ACAP1: variants seen among roughly 807,000 people sequenced by gnomAD.
ACAP1 encodes arf-GAP with coiled-coil, ANK repeat and PH domain-containing protein 1.
Under a neutral mutation model 98.8 loss-of-function variants are expected in ACAP1, and 45 were observed. The ratio of observed to expected loss-of-function variants is 0.46; its 90% CI spans 0.36 to 0.58. ACAP1 has a LOEUF of 0.58. Among genes scored for constraint, ACAP1 ranks in the 20% least tolerant of loss-of-function variants. The pLI is 0.00. For synonymous variants in ACAP1, 362 were observed against 375.3 expected, an observed-to-expected ratio of 0.96 and a Z score of 0.41; for missense variants, 735 against 971.4, an observed-to-expected ratio of 0.76 and a Z score of 3.24.
At chr17:7,341,094 G>T (rs1475402905) in intron 2 of ACAP1, among the ~76,000 whole-genome samples, 1 of 152,172 alleles carries the variant, frequency 6.6e-6, no homozygotes, top group Non-Finnish European at 1.5e-5. Context: ...ATTTATGAGG[G>T]AACGTGCAGT....
chr17:7,346,993 G>A, intron 13 of ACAP1, 38 bp from the exon 14 acceptor site: 1 of 1,573,948 alleles, frequency 6.4e-7, no homozygotes. Context: ...CTTTACCCTA[G>A]GCCCCTTGGC....
intron 2 of ACAP1, among the ~76,000 whole-genome samples, chr17:7,340,514 T>C (rs2073265312): frequency 6.6e-6 from 1 of 152,154 alleles, no homozygotes. Context: ...TCCTTGTACC[T>C]TGTCACAGAC....
chr17:7,342,766 G>T, intron 5 of ACAP1: 2 of 446,940 alleles, frequency 4.5e-6, no homozygotes, highest in Non-Finnish European at 8.2e-6. Flanking sequence ...AAATTAGCCG[G>T]GCATGGTGGC....
chr17:7,340,765 G>A (rs992104632), intron 2 of ACAP1, among the ~76,000 whole-genome samples: 1 of 152,208 alleles, frequency 6.6e-6, no homozygotes, highest in Non-Finnish European at 1.5e-5. Flanking sequence ...AGGATCGCTT[G>A]AACCTGGGAG....
chr17:7,340,779 G>A (rs1263989278), intron 2 of ACAP1, among the ~76,000 whole-genome samples: 1 of 152,190 alleles, frequency 6.6e-6, no homozygotes. Context: ...CTGGGAGGTG[G>A]AGGTTGTGGT....
intron 12 of ACAP1, 68 bp downstream of exon 12, chr17:7,346,559 C>CT: frequency 7.2e-7 from 1 of 1,394,456 alleles, no homozygotes; most frequent in Non-Finnish European, 9.8e-7. Flanking sequence ...AGGCAGGGCC[C>CT]ACCACAATGG....
Position 7,347,221 on chromosome 17 carries a change from T to A in ACAP1, c.1322T>A (p.Ile441Asn). 3.7e-6 allele frequency: 6 copies of A among 1,613,300 alleles called. No individual in the cohort carries two copies. The highest frequency in any genetic ancestry group is 5.1e-6 in the Non-Finnish European group (6 of 1,179,526). ...ASINLGVTLC[I>N]QCSGIHRSLG... is the part of the protein sequence containing the mutation. ...ATCAACCTTGGTGTCACCCTCTGCA[T>A]TCAGTGTTCCGGCATCCACAGGTTA... The change falls in exon 14 of 22, where the codon ATT becomes AAT. Residue 441 changes from isoleucine (I) to asparagine (N), a missense_variant. This residue lies in a region of ACAP1 where 81 missense variants were observed against 132.0 expected (regional missense o/e 0.61). Coordinates refer to ENST00000158762, the MANE Select transcript of ACAP1 (RefSeq NM_014716.4).
intron 5 of ACAP1, chr17:7,342,925 A>AG (rs1055059538): frequency 4.8e-6 from 1 of 208,500 alleles, no homozygotes; most frequent in Non-Finnish European, 9.7e-6. Flanking sequence ...AAAAAAAAAA[A>AG]AAAAAAATAG....
rs1341890783 is a variant in ACAP1 at position 7,343,212 on chromosome 17, G to A, written c.345-167G>A. The A allele has an allele frequency of 3.1e-6, 2 of 635,672 alleles. No homozygotes were observed. The highest frequency in any genetic ancestry group is 5.2e-6 in the Non-Finnish European group (2 of 383,534). 39.4% of individuals were successfully genotyped at this position (635,672 alleles called of 1,614,324 possible). ...CCACAGGAGCCTCCCCAGTGACGGA[G>A]TTGTGAGATTGGGGGTTTCTGGTGT... On this transcript the variant is annotated intron_variant, in intron 5 of 21. Transcript: ENST00000158762. The surrounding 1 kb of genome is among the most constrained non-coding windows in gnomAD (Gnocchi z 4.9).
At chr17:7,337,231 G>A (rs1049193705) in intron 1 of ACAP1, 81 bp from the exon 2 acceptor site, 11 of 1,346,230 alleles carry the variant, frequency 8.2e-6, no homozygotes, top group Middle Eastern at 3.6e-4. Context: ...CGTACCCACC[G>A]CCCTGCGACT....
chr17:7,351,246 C>T (rs1328232337), intron 21 of ACAP1, 49 bp from the exon 22 acceptor site: 1 of 1,504,324 alleles, frequency 6.6e-7, no homozygotes, highest in Non-Finnish European at 9.1e-7. Context: ...GGATCCTGCC[C>T]TTCTGCACTG....
chr17:7,351,115 C>CAG, intron 21 of ACAP1, 116 bp downstream of exon 21: 1 of 1,194,348 alleles, frequency 8.4e-7, no homozygotes, highest in Non-Finnish European at 1.2e-6. Context: ...TTAACAAATG[C>CAG]GTATTGGGCG....
At chr17:7,351,263 A>T in intron 21 of ACAP1, 32 bp from the exon 22 acceptor site, 1 of 1,573,312 alleles carries the variant, frequency 6.4e-7, no homozygotes, top group Non-Finnish European at 8.7e-7. Context: ...ACTGGGGCCC[A>T]GCCGCCTCCC....
At chr17:7,346,657 G>C (rs2073349560) in intron 12 of ACAP1, 151 bp from the exon 13 acceptor site, 1 of 1,130,306 alleles carries the variant, frequency 8.8e-7, no homozygotes, top group Admixed American at 2.2e-5. Flanking sequence ...GGGTGATGGG[G>C]GATATTTAGG....
Position 7,343,228 on chromosome 17 carries a change from T to G in ACAP1, c.345-151T>G, listed in dbSNP as rs1597650615. 1 of 715,044 alleles carries G rather than the reference T, an allele frequency of 1.4e-6. No individual in the cohort carries two copies. Among genetic ancestry groups the G allele is most frequent in the Non-Finnish European group, 2.2e-6 (1 of 447,462 alleles). 44.3% of individuals were successfully genotyped at this position (715,044 alleles called of 1,614,324 possible). ...AGTGACGGAGTTGTGAGATTGGGGG[T>G]TTCTGGTGTCCTGACTTCCGTCCCA... On this transcript the variant is annotated intron_variant, in intron 5 of 21. Transcript: ENST00000158762. This position sits in a 1 kb window ranked among gnomAD's most constrained non-coding sequence, Gnocchi z 4.9.
rs115195712 is a variant in ACAP1, at chr17:7,343,698, G to A, written c.529-8G>A. ...TGGGGTTTTTTACGTCCTCTTTTAC[G>A]TCCTCAGATCAACGTGATTGAGGAC... On this transcript the variant is annotated splice_region_variant and splice_polypyrimidine_tract_variant and intron_variant, in intron 6 of 21. Transcript: ENST00000158762. The surrounding 1 kb of genome is among the most constrained non-coding windows in gnomAD (Gnocchi z 4.9). 3,678 of 1,613,458 alleles carry A rather than the reference G, an allele frequency of 2.3e-3. 60 individuals carry two copies. In the African/African-American group the frequency reaches 0.042, roughly 18 times the overall value.
chr17:7,337,344 C>T lies in ACAP1; in HGVS notation c.86C>T (p.Ser29Leu), dbSNP rs1240107274. The T allele has an allele frequency of 3.1e-6, 5 of 1,614,072 alleles. No homozygotes were observed. The highest frequency in any genetic ancestry group is 4.2e-6 in the Non-Finnish European group (5 of 1,179,998). ...ATTGAGCTGGTGGAAGCCGAAGTGTCAGAATTGGAGACCCGTCTGGAAAAG... is the reference window on the plus strand; with the variant it reads ...ATTGAGCTGGTGGAAGCCGAAGTGTTAGAATTGGAGACCCGTCTGGAAAAG... ...ASIELVEAEV[S>L]ELETRLEKLL... The change falls in exon 2 of 22, where the codon TCA becomes TTA. Residue 29 changes from serine to leucine, a missense_variant. Ser to Leu is a moderately radical substitution (Grantham distance 145, BLOSUM62 -2). This residue lies in a region of ACAP1 where 430 missense variants were observed against 531.8 expected (regional missense o/e 0.81). Transcript: ENST00000158762.
At chr17:7,346,205 A>G (rs1236452329) in intron 10 of ACAP1, 39 bp from the exon 11 acceptor site, 1 of 1,603,332 alleles carries the variant, frequency 6.2e-7, no homozygotes, top group East Asian at 2.2e-5. Context: ...CCCTCATCCT[A>G]AAGCTGCCTA....
rs757955383 is a variant in ACAP1 at position 7,343,477 on chromosome 17, G to A, written c.443G>A (p.Arg148Gln). 22 of 1,613,980 alleles carry A rather than the reference G, an allele frequency of 1.4e-5. No individual in the cohort carries two copies. Among genetic ancestry groups the A allele is most frequent in the Non-Finnish European group, 1.5e-5 (18 of 1,180,008 alleles). ...LTHNAEVPRR[R>Q]AQEAEEAGAA... is the part of the protein sequence containing the mutation. Reference sequence around the variant, plus strand: ...CACAACGCAGAGGTTCCCAGGCGCCGGGCCCAGGAGGCAGAAGAGGCAGGA... The same window carrying A: ...CACAACGCAGAGGTTCCCAGGCGCCAGGCCCAGGAGGCAGAAGAGGCAGGA... Residue 148 changes from arginine (R) to glutamine (Q), a missense_variant, in exon 6 of 22, where the codon CGG (arginine) becomes CAG (glutamine). By Grantham distance (43) the Arg-to-Gln change is conservative. Around this residue, in one of 5 missense-constraint regions of ACAP1, gnomAD observed 430 missense variants for 531.8 expected, o/e 0.81. Coordinates refer to ENST00000158762, the MANE Select transcript of ACAP1 (RefSeq NM_014716.4). This position sits in a 1 kb window ranked among gnomAD's most constrained non-coding sequence, Gnocchi z 4.9.
Sources: allele counts gnomAD v4.1 joint callset (sites outside exome capture counted in the v4.1 genomes callset), GRCh38; gene constraint gnomAD v4.1.1; regional missense constraint gnomAD v4.1.1; non-coding constraint Gnocchi (gnomAD v3.1); transcripts MANE v1.5; gene names NCBI Gene and HGNC (gene_info 2026-07-23, HGNC 2026-07-21).